Variants in CDK14 observed in about 807,000 individuals in gnomAD.
CDK14 encodes cyclin dependent kinase 14, also known as cyclin-dependent kinase 14.
In CDK14, 34 loss-of-function variants were observed where a neutral mutation model predicts 60.7. The ratio of observed to expected loss-of-function variants is 0.56; its 90% CI spans 0.43 to 0.75. The LOEUF (loss-of-function observed/expected upper bound fraction) is 0.75. Ranked by LOEUF, CDK14 falls within the 30% of genes least tolerant of loss-of-function variation. The probability of loss-of-function intolerance (pLI) is 0.00; values close to 1 mark genes in which losing one functional copy is unlikely to be tolerated. For missense variants in CDK14, 482 were observed against 564.1 expected, an observed-to-expected ratio of 0.85 and a Z score of 1.47; for synonymous variants, 197 against 203.7, an observed-to-expected ratio of 0.97 and a Z score of 0.28.
In CDK14 at chr7:91,157,774, G is replaced by T. The variant is rs1437655336; in HGVS notation, c.*28+39566G>T. 2.6e-5 allele frequency among the ~76,000 whole-genome samples: 4 copies of T among 152,168 alleles called. 1 individual carries two copies. The highest frequency in any genetic ancestry group is 9.7e-5 in the African/African-American group (4 of 41,432). ...TGGAAAGTTCTCCACACTCTCATTTGCTGACCTTGCAGGATGGTTGGGCAA... is the reference window on the plus strand; with the variant it reads ...TGGAAAGTTCTCCACACTCTCATTTTCTGACCTTGCAGGATGGTTGGGCAA... On this transcript the variant is annotated intron_variant, in intron 14 of 14. Coordinates refer to ENST00000380050, the MANE Select transcript of CDK14 (RefSeq NM_001287135.2).
At chr7:90,924,235 C>G (rs1793344871) in intron 8 of CDK14, among the ~76,000 whole-genome samples, 1 of 152,216 alleles carries the variant, frequency 6.6e-6, no homozygotes, top group Admixed American at 6.5e-5. Context: ...GTTGAGCATG[C>G]TCATGTAAAG....
chr7:90,963,848 C>A (rs1241630534), intron 9 of CDK14, among the ~76,000 whole-genome samples: 1 of 151,058 alleles, frequency 6.6e-6, no homozygotes, highest in African/African-American at 2.4e-5. Context: ...CCTGACTAGC[C>A]GGGATTACAG....
intron 2 of CDK14, among the ~76,000 whole-genome samples, chr7:90,653,229 C>A (rs2116481985): frequency 6.6e-6 from 1 of 152,216 alleles, no homozygotes; most frequent in East Asian, 1.9e-4. Context: ...GCCAATCCCT[C>A]CTTTGAGCAC....
In CDK14 at chr7:90,657,495, G is replaced by T. The variant is rs1800774982; in HGVS notation, c.123+53246G>T. Among the ~76,000 whole-genome samples the T allele has an allele frequency of 2.0e-5, 3 of 152,104 alleles. No homozygotes were observed. In the South Asian group the frequency reaches 6.2e-4, roughly 32 times the overall value. ...TCTTTAGTTTTCTGGCATAGTGTTG[G>T]CAGAGATGTTCTAGATCTATATAAA... is the stretch of plus-strand genomic sequence containing the variant. On this transcript the variant is annotated intron_variant, in intron 2 of 14. Transcript: ENST00000380050.
At chr7:90,768,019 T>C (rs902262548) in intron 4 of CDK14, among the ~76,000 whole-genome samples, 1 of 152,258 alleles carries the variant, frequency 6.6e-6, no homozygotes, top group Non-Finnish European at 1.5e-5. Context: ...GGTATATTTA[T>C]ATTGTTTACA....
At chr7:90,863,587 T>C (rs1235547028) in intron 6 of CDK14, among the ~76,000 whole-genome samples, 1 of 152,100 alleles carries the variant, frequency 6.6e-6, no homozygotes, top group East Asian at 1.9e-4. Flanking sequence ...GTGATCATTA[T>C]CAAAGAAAAC....
intron 5 of CDK14, among the ~76,000 whole-genome samples, chr7:90,792,032 A>G (rs896276337): frequency 2.6e-5 from 4 of 151,248 alleles, no homozygotes; most frequent in Admixed American, 6.6e-5. Flanking sequence ...CCTCCTGCAT[A>G]GCTGGGATTA....
intron 5 of CDK14, among the ~76,000 whole-genome samples, chr7:90,835,533 G>A (rs1315285474): frequency 6.6e-6 from 1 of 152,174 alleles, no homozygotes; most frequent in Non-Finnish European, 1.5e-5. Flanking sequence ...GCAAGACAAT[G>A]ATAGTGAAAA....
chr7:90,616,597 A>G (rs1424935697), intron 2 of CDK14, among the ~76,000 whole-genome samples: 1 of 152,116 alleles, frequency 6.6e-6, no homozygotes, highest in African/African-American at 2.4e-5. Flanking sequence ...TGAGTTCAAA[A>G]CTTTCCCCAA....
chr7:90,992,877 T>C (rs1795579141), intron 10 of CDK14, among the ~76,000 whole-genome samples: 1 of 152,188 alleles, frequency 6.6e-6, no homozygotes, highest in African/African-American at 2.4e-5. Flanking sequence ...AGGCATTAGA[T>C]TGAGTGAATC....
At chr7:90,818,345 A>C (rs1372124518) in intron 5 of CDK14, among the ~76,000 whole-genome samples, 1 of 152,232 alleles carries the variant, frequency 6.6e-6, no homozygotes, top group Non-Finnish European at 1.5e-5. Context: ...ATTAGTGCAA[A>C]AAATATTTTT....
intron 2 of CDK14, among the ~76,000 whole-genome samples, chr7:90,647,173 T>C (rs1217737976): frequency 6.6e-6 from 1 of 152,234 alleles, no homozygotes; most frequent in East Asian, 1.9e-4. Flanking sequence ...CACTTAGTTA[T>C]ACCTGATGAG....
At chr7:90,961,133 G>A (rs765409043) in intron 9 of CDK14, among the ~76,000 whole-genome samples, 3 of 152,056 alleles carry the variant, frequency 2.0e-5, no homozygotes, top group Admixed American at 6.6e-5. Flanking sequence ...CTCTTAAGAT[G>A]ATTTATTTAA....
At chr7:90,732,245 T>G (rs1239436576) in intron 3 of CDK14, among the ~76,000 whole-genome samples, 2 of 152,218 alleles carry the variant, frequency 1.3e-5, no homozygotes, top group East Asian at 3.8e-4. Flanking sequence ...GGTTTGCCAG[T>G]ATTTTATTGA....
chr7:90,632,371 G>A, intron 2 of CDK14: 2 of 303,544 alleles, frequency 6.6e-6, no homozygotes, highest in East Asian at 1.0e-4. Context: ...GCTGTGGGTG[G>A]TAATTGCCTT....
At chr7:91,126,161 A>C (rs530304836) in intron 14 of CDK14, among the ~76,000 whole-genome samples, 1 of 152,302 alleles carries the variant, frequency 6.6e-6, no homozygotes, top group South Asian at 2.1e-4. Context: ...CTAAAATAAT[A>C]GGGTTATTCT....
At chr7:90,663,886 CCTTAAAAA>C (rs1282678248) in intron 2 of CDK14, among the ~76,000 whole-genome samples, 1 of 151,988 alleles carries the variant, frequency 6.6e-6, no homozygotes, top group East Asian at 1.9e-4. Flanking sequence ...TTTATATTTT[CCTTAAAAA>C]CTTTCCAAAT....
intron 10 of CDK14, among the ~76,000 whole-genome samples, chr7:90,984,637 G>C (rs1462607829): frequency 6.6e-6 from 1 of 152,204 alleles, no homozygotes; most frequent in African/African-American, 2.4e-5. Context: ...AGCAGGGAGA[G>C]TGGGAAGATG....
At chr7:90,754,149 C>CA (rs1194994655) in intron 4 of CDK14, among the ~76,000 whole-genome samples, 1 of 152,102 alleles carries the variant, frequency 6.6e-6, no homozygotes, top group Non-Finnish European at 1.5e-5. Flanking sequence ...CATATGGAAT[C>CA]AAAGAAGAGC....
Sources: gnomAD v4.1 joint callset for allele counts (sites outside exome capture counted in the v4.1 genomes callset) on GRCh38, gnomAD v4.1.1 for gene constraint, MANE v1.5 for transcripts, NCBI Gene and HGNC (gene_info 2026-07-23, HGNC 2026-07-21) for gene names.